Variants in ACOT11 observed in about 807,000 individuals in gnomAD.
ACOT11 encodes the protein acyl-CoA thioesterase 11.
In ACOT11, 69 loss-of-function variants were observed where a neutral mutation model predicts 77.5. The ratio of observed to expected loss-of-function variants is 0.89; its 90% confidence interval spans 0.73 to 1.09. ACOT11 has a LOEUF of 1.09. Among genes scored for constraint, ACOT11 ranks in the 50% least tolerant of loss-of-function variants. ACOT11 has a pLI of 0.00. For missense variants in ACOT11, 766 were observed against 813.7 expected (o/e 0.94, Z 0.71); for synonymous variants, 279 against 313.0 (o/e 0.89, Z 1.15).
chr1:54,560,766 G>A (rs1484472969), intron 1 of ACOT11, among the ~76,000 whole-genome samples: 3 of 151,824 alleles, frequency 2.0e-5, no homozygotes, highest in Admixed American at 2.0e-4. Context: ...CTGTTGCCCA[G>A]GCTGGAGTGC....
rs371266614 is a variant in ACOT11 at position 54,609,606 on chromosome 1, C to A, written c.*494C>A. ...TCAGGCCAGCCTGGTGCCACAGTCA[C>A]GTGGGGGAAGACCTCAGCCACAGCT... On this transcript the variant is annotated 3_prime_UTR_variant, in exon 16 of 16. Coordinates refer to ENST00000343744, the MANE Select transcript of ACOT11 (RefSeq NM_147161.4). 1.4e-5 allele frequency: 23 copies of A among 1,613,176 alleles called. No homozygotes were observed. Among genetic ancestry groups the A allele is most frequent in the Non-Finnish European group, 1.9e-5 (22 of 1,180,038 alleles).
chr1:54,632,368 G>A (rs948495197), intron 16 of ACOT11, among the ~76,000 whole-genome samples: 1 of 152,130 alleles, frequency 6.6e-6, no homozygotes, highest in East Asian at 1.9e-4. Flanking sequence ...GCGGAACCCC[G>A]GCAAAGGGTC....
At chr1:54,567,617 C>A (rs1317341561) in intron 1 of ACOT11, among the ~76,000 whole-genome samples, 1 of 152,050 alleles carries the variant, frequency 6.6e-6, no homozygotes, top group African/African-American at 2.4e-5. Context: ...CACCTCCCAT[C>A]ATCTCCACGA....
chr1:54,562,592 G>C (rs74420428), intron 1 of ACOT11, among the ~76,000 whole-genome samples: 936 of 131,684 alleles, frequency 7.1e-3, no homozygotes, highest in Admixed American at 0.014. Context: ...CGGGCGGAGA[G>C]GCTCCTCACT....
chr1:54,559,307 C>T (rs1653384914), intron 1 of ACOT11, among the ~76,000 whole-genome samples: 1 of 152,226 alleles, frequency 6.6e-6, no homozygotes, highest in South Asian at 2.1e-4. Context: ...TGACCCCACC[C>T]CACACACCTC....
intron 16 of ACOT11, among the ~76,000 whole-genome samples, chr1:54,633,022 T>C (rs1644309811): frequency 6.6e-6 from 1 of 152,088 alleles, no homozygotes; most frequent in Admixed American, 6.5e-5. Context: ...ATGCATGAAA[T>C]GGGGTATGTC....
intron 15 of ACOT11, among the ~76,000 whole-genome samples, chr1:54,622,892 T>C (rs1327137935): frequency 6.6e-6 from 1 of 151,554 alleles, no homozygotes; most frequent in East Asian, 2.0e-4. Flanking sequence ...AAGAGCTGGT[T>C]GGCCAGGCAT....
chr1:54,585,441 G>A (rs1654463776), intron 2 of ACOT11, among the ~76,000 whole-genome samples: 1 of 152,194 alleles, frequency 6.6e-6, no homozygotes, highest in Admixed American at 6.5e-5. Flanking sequence ...CAGGGAACAG[G>A]TGGTTGAAGG....
intron 12 of ACOT11, 34 bp from the exon 13 acceptor site, chr1:54,605,042 C>A: frequency 6.3e-7 from 1 of 1,592,038 alleles, no homozygotes; most frequent in East Asian, 2.3e-5. Flanking sequence ...CACTCCACCA[C>A]CCAGCAAATG....
At chr1:54,574,848 C>G (rs1296375613) in intron 1 of ACOT11, among the ~76,000 whole-genome samples, 1 of 152,252 alleles carries the variant, frequency 6.6e-6, no homozygotes, top group Non-Finnish European at 1.5e-5. Flanking sequence ...TCCAGCCCAG[C>G]TGCTGCATCC....
chr1:54,614,024 C>G (rs1216762433), downstream of ACOT11, among the ~76,000 whole-genome samples: 1 of 152,210 alleles, frequency 6.6e-6, no homozygotes, highest in African/African-American at 2.4e-5. Flanking sequence ...CGGTGTTCTG[C>G]AAGTCAAGTG....
chr1:54,589,804 T>C (rs1209229634), intron 3 of ACOT11, among the ~76,000 whole-genome samples: 1 of 152,126 alleles, frequency 6.6e-6, no homozygotes, highest in Non-Finnish European at 1.5e-5. Context: ...ATTTTGTTAT[T>C]CAAGTCAGGA....
At chr1:54,625,554 A>G (rs549258061) in intron 15 of ACOT11, among the ~76,000 whole-genome samples, 3 of 152,334 alleles carry the variant, frequency 2.0e-5, no homozygotes, top group African/African-American at 7.2e-5. Flanking sequence ...GAATGACAGA[A>G]GCTACATCTC....
rs557265253 is a variant in ACOT11 at position 54,564,816 on chromosome 1, G to T, written c.33+16474G>T. On this transcript the variant is annotated intron_variant, in intron 1 of 15. Coordinates refer to ENST00000343744, the MANE Select transcript of ACOT11 (RefSeq NM_147161.4). ...AGGGATGTCGGGGTTGGGGCGGTGG[G>T]GGGTGATAATGGTCCCTGCAACTGG... is the stretch of plus-strand genomic sequence containing the variant. Among the ~76,000 whole-genome samples, 157 of 152,232 alleles carry T rather than the reference G, an allele frequency of 1.0e-3. 1 individual carries two copies. The highest frequency in any genetic ancestry group is 8.7e-3 in the Admixed American group (133 of 15,286).
At chr1:54,576,054 C>T (rs1003113935) in intron 1 of ACOT11, among the ~76,000 whole-genome samples, 3 of 152,172 alleles carry the variant, frequency 2.0e-5, no homozygotes, top group Non-Finnish European at 2.9e-5. Flanking sequence ...TCAAATCCAC[C>T]TCCCTGGGGA....
At chr1:54,576,595 G>C (rs1031212199) in intron 1 of ACOT11, among the ~76,000 whole-genome samples, 2 of 151,684 alleles carry the variant, frequency 1.3e-5, no homozygotes, top group Non-Finnish European at 2.9e-5. Flanking sequence ...GAAAAGTTAG[G>C]ACCCTGTGGC....
intron 1 of ACOT11, among the ~76,000 whole-genome samples, chr1:54,556,587 G>GTT (rs202144291): frequency 6.8e-5 from 10 of 146,046 alleles, no homozygotes; most frequent in South Asian, 2.2e-4. Flanking sequence ...TCATTGTAGA[G>GTT]TTTTTTTTTT....
chr1:54,628,463 A>C (rs974907581), intron 15 of ACOT11: 6 of 131,794 alleles, frequency 4.6e-5, no homozygotes, highest in African/African-American at 1.5e-4. Context: ...ATGCAGAGGG[A>C]TCTCATCTCT....
chr1:54,558,141 GA>G (rs1215769544), intron 1 of ACOT11, among the ~76,000 whole-genome samples: 2 of 152,162 alleles, frequency 1.3e-5, no homozygotes, highest in African/African-American at 2.4e-5. Flanking sequence ...TGTACTGGGG[GA>G]TTAACAGTTA....
Sources: allele counts gnomAD v4.1 joint callset (sites outside exome capture counted in the v4.1 genomes callset), GRCh38; gene constraint gnomAD v4.1.1; transcripts MANE v1.5; gene names NCBI Gene and HGNC (gene_info 2026-07-23, HGNC 2026-07-21).